The following AGBL1 variants were observed in gnomAD, a reference collection of about 807,000 sequenced individuals.
The protein encoded by AGBL1 is cytosolic carboxypeptidase 4.
In AGBL1, 130 loss-of-function variants were observed where a neutral mutation model predicts 118.9. The ratio of observed to expected loss-of-function variants is 1.09; its 90% CI spans 0.95 to 1.26. The LOEUF (loss-of-function observed/expected upper bound fraction) is 1.26. AGBL1 is among the 50% of genes most tolerant of loss of function. AGBL1 has a pLI of 0.00. For missense variants in AGBL1, 1,584 were observed against 1,298.1 expected (o/e 1.22, Z -3.38); for synonymous variants, 555 against 478.9 (o/e 1.16, Z -2.08).
chr15:87,027,891 G>C (rs1397370180), intron 24 of AGBL1, among the ~76,000 whole-genome samples: 1 of 151,890 alleles, frequency 6.6e-6, no homozygotes, highest in Non-Finnish European at 1.5e-5. Context: ...GAGGGGTGTA[G>C]GTGAGGGGAG....
chr15:86,149,618 A>T (rs942608118), intron 3 of AGBL1, among the ~76,000 whole-genome samples: 1 of 152,248 alleles, frequency 6.6e-6, no homozygotes, highest in Non-Finnish European at 1.5e-5. Flanking sequence ...GAGCACCCAG[A>T]TTCATAAAGC....
chr15:86,137,063 TG>T (rs2076899094), intron 1 of AGBL1, among the ~76,000 whole-genome samples: 4 of 152,206 alleles, frequency 2.6e-5, no homozygotes, highest in African/African-American at 9.7e-5. Flanking sequence ...ATTATTACTG[TG>T]GGTGAGATAA....
chr15:86,386,798 C>A (rs922261859), intron 17 of AGBL1, among the ~76,000 whole-genome samples: 3 of 152,118 alleles, frequency 2.0e-5, no homozygotes, highest in African/African-American at 7.2e-5. Flanking sequence ...CTTCCCAGCC[C>A]TTATTTGGCT....
chr15:86,845,056 C>T (rs985497683), intron 22 of AGBL1, among the ~76,000 whole-genome samples: 5 of 152,030 alleles, frequency 3.3e-5, no homozygotes, highest in African/African-American at 9.7e-5. Context: ...GCAGTGCTTG[C>T]TGTCTTAATT....
rs916125472 is a variant in AGBL1 at position 87,022,662 on chromosome 15, T to C, written c.3324-6163T>C. Among the ~76,000 whole-genome samples the C allele has an allele frequency of 1.1e-4, 17 of 152,176 alleles. No individual in the cohort carries two copies. In the South Asian group the frequency reaches 3.5e-3, roughly 32 times the overall value. On this transcript the variant is annotated intron_variant, in intron 24 of 24. Coordinates refer to the AGBL1 transcript ENST00000441037. The stretch of plus-strand genomic sequence containing the variant: ...GCCTAGGCACATTGTCATCGGGTTA[T>C]ATAAGTTAAGACGGAAGAAAGAATC...
At chr15:86,602,901 G>A (rs891661873) in intron 21 of AGBL1, among the ~76,000 whole-genome samples, 11 of 152,158 alleles carry the variant, frequency 7.2e-5, no homozygotes, top group Non-Finnish European at 1.3e-4. Context: ...TCCTCCAGCA[G>A]TGGACCAGTG....
intron 23 of AGBL1, among the ~76,000 whole-genome samples, chr15:86,941,940 C>T (rs1056231700): frequency 1.3e-5 from 2 of 152,118 alleles, no homozygotes; most frequent in South Asian, 4.1e-4. Flanking sequence ...GTTAAGATTG[C>T]AGATTTATTT....
chr15:86,335,496 A>G (rs530262722), intron 17 of AGBL1, among the ~76,000 whole-genome samples: 2 of 152,306 alleles, frequency 1.3e-5, no homozygotes, highest in Admixed American at 1.3e-4. Context: ...AGAAGAGGGC[A>G]CTGTCTTAAA....
chr15:86,367,256 C>T (rs574357763), intron 17 of AGBL1, among the ~76,000 whole-genome samples: 4 of 152,250 alleles, frequency 2.6e-5, no homozygotes, highest in East Asian at 1.9e-4. Flanking sequence ...TAGTCTTTTG[C>T]CATGCTCCCC....
chr15:86,802,511 G>A (rs955761293), intron 22 of AGBL1, among the ~76,000 whole-genome samples: 16 of 151,984 alleles, frequency 1.1e-4, no homozygotes, highest in African/African-American at 3.6e-4. Context: ...AGCCCAATGC[G>A]GTAATATAAT....
intron 1 of AGBL1, among the ~76,000 whole-genome samples, chr15:86,107,902 C>T (rs1486921219): frequency 6.6e-6 from 1 of 152,142 alleles, no homozygotes; most frequent in East Asian, 1.9e-4. Context: ...TTGTGTCTTG[C>T]ATAGTAGTAC....
intron 24 of AGBL1, among the ~76,000 whole-genome samples, chr15:87,025,200 G>GACTCC (rs2081713513): frequency 6.6e-6 from 1 of 151,936 alleles, no homozygotes; most frequent in Non-Finnish European, 1.5e-5. Flanking sequence ...GCTGCTGTTT[G>GACTCC]CTGATGATAT....
At chr15:86,708,075 A>G (rs956246801) in intron 22 of AGBL1, among the ~76,000 whole-genome samples, 3 of 151,982 alleles carry the variant, frequency 2.0e-5, no homozygotes, top group Non-Finnish European at 4.4e-5. Flanking sequence ...CATTCTTAAT[A>G]TTTTTCATCC....
At chr15:86,743,159 G>C (rs1342562568) in intron 22 of AGBL1, among the ~76,000 whole-genome samples, 1 of 151,928 alleles carries the variant, frequency 6.6e-6, no homozygotes, top group East Asian at 1.9e-4. Context: ...TCTTTAAAAA[G>C]TATTTTTTTA....
At chr15:86,761,563 G>A (rs940336315) in intron 22 of AGBL1, among the ~76,000 whole-genome samples, 10 of 152,080 alleles carry the variant, frequency 6.6e-5, no homozygotes, top group African/African-American at 2.2e-4. Flanking sequence ...TCAGTTAGAA[G>A]CAGAAGAAGC....
upstream of AGBL1, chr15:86,079,853 C>T: frequency 1.6e-6 from 1 of 623,784 alleles, no homozygotes; most frequent in Non-Finnish European, 2.3e-6. Context: ...GCAGCATGTG[C>T]AGCTGAGGCC....
intron 19 of AGBL1, among the ~76,000 whole-genome samples, chr15:86,535,946 C>T (rs948269201): frequency 1.3e-5 from 2 of 152,132 alleles, no homozygotes; most frequent in Non-Finnish European, 2.9e-5. Flanking sequence ...GGTACCACAT[C>T]TAGAATTTCC....
intron 21 of AGBL1, among the ~76,000 whole-genome samples, chr15:86,586,569 G>GT (rs1218518423): frequency 2.6e-5 from 4 of 152,182 alleles, no homozygotes; most frequent in Non-Finnish European, 5.9e-5. Flanking sequence ...CGGAGCCAAT[G>GT]TAAGTGACAG....
chr15:86,190,992 G>A (rs917775781), intron 5 of AGBL1, among the ~76,000 whole-genome samples: 2 of 152,056 alleles, frequency 1.3e-5, no homozygotes, highest in African/African-American at 4.8e-5. Flanking sequence ...AGATCCAAAG[G>A]GTAGGATGCC....
Sources: gnomAD v4.1 joint callset for allele counts (sites outside exome capture counted in the v4.1 genomes callset) on GRCh38, gnomAD v4.1.1 for gene constraint, MANE v1.5 for transcripts, NCBI Gene and HGNC (gene_info 2026-07-23, HGNC 2026-07-21) for gene names.